The following TRIP12 variants were observed in gnomAD, a reference collection of about 807,000 sequenced individuals.
The protein encoded by TRIP12 is thyroid hormone receptor interactor 12, also known as E3 ubiquitin-protein ligase TRIP12.
TRIP12 carries 25 observed loss-of-function variants against 244.2 expected under a neutral mutation model. The ratio of observed to expected loss-of-function variants is 0.10; its 90% CI spans 0.07 to 0.14. The LOEUF (loss-of-function observed/expected upper bound fraction) is 0.14, where lower values mean the gene tolerates loss of function less well. Ranked by LOEUF, TRIP12 falls within the 10% of genes least tolerant of loss-of-function variation. The probability of loss-of-function intolerance (pLI) is 1.00; values close to 1 mark genes in which losing one functional copy is unlikely to be tolerated. For missense variants in TRIP12, 1,677 were observed against 2,486.4 expected, an observed-to-expected ratio of 0.67 and a Z score of 6.92; for synonymous variants, 905 against 873.1, an observed-to-expected ratio of 1.04 and a Z score of -0.64.
At chr2:229,879,581 C>T (rs1357063240) in intron 2 of TRIP12, among the ~76,000 whole-genome samples, 3 of 152,202 alleles carry the variant, frequency 2.0e-5, no homozygotes, top group African/African-American at 7.2e-5. Flanking sequence ...AGCTCAAAAG[C>T]TGAGTATTAA....
chr2:229,806,141 T>G, intron 17 of TRIP12: 1 of 302,788 alleles, frequency 3.3e-6, no homozygotes, highest in Non-Finnish European at 6.1e-6. Flanking sequence ...AAAATCTTGA[T>G]GAAAGATCCA....
At chr2:229,830,663 C>A in intron 7 of TRIP12, 93 bp downstream of exon 7, 1 of 1,316,170 alleles carries the variant, frequency 7.6e-7, no homozygotes, top group South Asian at 1.4e-5. Context: ...AGATTATGGT[C>A]AAATGAATTT....
chr2:229,796,485 T>A (rs2042850272), intron 25 of TRIP12, 106 bp downstream of exon 25: 1 of 1,006,654 alleles, frequency 9.9e-7, no homozygotes, highest in Non-Finnish European at 1.4e-6. Flanking sequence ...AAGTTTTCCC[T>A]CAATGTCTTG....
intron 2 of TRIP12, among the ~76,000 whole-genome samples, chr2:229,861,605 A>G (rs1291288983): frequency 6.6e-6 from 1 of 152,216 alleles, no homozygotes; most frequent in East Asian, 1.9e-4. Flanking sequence ...ATCTCACAAA[A>G]TAATTCTAAC....
chr2:229,874,747 A>G (rs1271164447), intron 2 of TRIP12, among the ~76,000 whole-genome samples: 3 of 152,220 alleles, frequency 2.0e-5, no homozygotes, highest in Admixed American at 6.5e-5. Context: ...AACCATGGTT[A>G]TCTCTGAGTG....
intron 1 of TRIP12, among the ~76,000 whole-genome samples, chr2:229,910,867 C>G (rs1175990032): frequency 6.6e-6 from 1 of 152,150 alleles, no homozygotes; most frequent in East Asian, 1.9e-4. Context: ...TTACTAATGA[C>G]AGTTGAGAAA....
chr2:229,874,535 A>C (rs565277482), intron 2 of TRIP12, among the ~76,000 whole-genome samples: 5 of 152,326 alleles, frequency 3.3e-5, no homozygotes, highest in African/African-American at 7.2e-5. Context: ...ATGGGCTTTT[A>C]TATTAAAGAA....
intron 1 of TRIP12, among the ~76,000 whole-genome samples, chr2:229,881,144 C>G (rs7355661): frequency 0.017 from 2,537 of 152,290 alleles, 70 homozygotes; most frequent in African/African-American, 0.058. Flanking sequence ...TTACCTACCT[C>G]AACAGAGTTG....
At chr2:229,845,650 C>T (rs1049987146) in intron 4 of TRIP12, among the ~76,000 whole-genome samples, 1 of 152,052 alleles carries the variant, frequency 6.6e-6, no homozygotes, top group Admixed American at 6.6e-5. Flanking sequence ...AAATTAATAT[C>T]TTAAGGGTAG....
At chr2:229,773,307 C>G (rs2035118551) in intron 38 of TRIP12, among the ~76,000 whole-genome samples, 1 of 152,118 alleles carries the variant, frequency 6.6e-6, no homozygotes, top group Non-Finnish European at 1.5e-5. Context: ...AACTCCTGAT[C>G]TTGTGATCTG....
rs144894357 is a variant in TRIP12, at chr2:229,902,230, A to G, written c.-50+19650T>C. ...GAAACCCCGCCTCTGCTAAAAATACAAAAATTAGCTGGGCATAGTGGTCGT... is the reference window on the plus strand; with the variant it reads ...GAAACCCCGCCTCTGCTAAAAATACGAAAATTAGCTGGGCATAGTGGTCGT... On this transcript the variant is annotated intron_variant, in intron 1 of 41. Coordinates refer to ENST00000675903, the MANE Select transcript of TRIP12 (RefSeq NM_001348323.3). 4.3e-3 allele frequency among the ~76,000 whole-genome samples: 657 copies of G among 152,178 alleles called. 24 individuals carry two copies. In the East Asian group the frequency reaches 0.11, roughly 26 times the overall value.
intron 6 of TRIP12, among the ~76,000 whole-genome samples, chr2:229,834,013 A>C (rs2154301579): frequency 6.6e-6 from 1 of 152,316 alleles, no homozygotes; most frequent in East Asian, 1.9e-4. Flanking sequence ...AAGGCTTCAA[A>C]CCTCCTTAGG....
chr2:229,887,157 T>C (rs988841679), intron 1 of TRIP12, among the ~76,000 whole-genome samples: 1 of 152,258 alleles, frequency 6.6e-6, no homozygotes, highest in Admixed American at 6.5e-5. Flanking sequence ...AAGAAAATTC[T>C]GATCCTTTGC....
intron 1 of TRIP12, among the ~76,000 whole-genome samples, chr2:229,918,733 C>CT: frequency 6.6e-6 from 1 of 152,218 alleles, no homozygotes; most frequent in Non-Finnish European, 1.5e-5. Flanking sequence ...TTCTATAACT[C>CT]TGTACCTTCA....
At chr2:229,770,736 G>A (rs2033949380) in intron 39 of TRIP12, among the ~76,000 whole-genome samples, 1 of 152,132 alleles carries the variant, frequency 6.6e-6, no homozygotes, top group Non-Finnish European at 1.5e-5. Flanking sequence ...CTGGTGGGAG[G>A]TAACTGAATC....
At chr2:229,777,599 A>T (rs2036676473) in intron 36 of TRIP12, 120 bp from the exon 37 acceptor site, 1 of 998,626 alleles carries the variant, frequency 1.0e-6, no homozygotes. Flanking sequence ...CAAGAAAGAA[A>T]ATTCTGTAGT....
intron 31 of TRIP12, 43 bp downstream of exon 31, chr2:229,789,568 A>C: frequency 6.3e-7 from 1 of 1,592,824 alleles, no homozygotes; most frequent in Non-Finnish European, 8.6e-7. Context: ...AAATTTATCA[A>C]TCACAGACCA....
In TRIP12 at chr2:229,809,262, A is replaced by T. The variant is rs531532243; in HGVS notation, c.2222-893T>A. On this transcript the variant is annotated intron_variant, in intron 15 of 41. Transcript: ENST00000675903. ...TTTTTAATTACAGTTTTGCAACTTT[A>T]TAGAGAAGTTTGAATACATGGTATG... 5.3e-4 allele frequency among the ~76,000 whole-genome samples: 80 copies of T among 152,246 alleles called. 1 individual carries two copies. Among genetic ancestry groups the T allele is most frequent in the Non-Finnish European group, 9.9e-4 (67 of 68,018 alleles).
intron 8 of TRIP12, among the ~76,000 whole-genome samples, chr2:229,824,404 A>G (rs1321990954): frequency 7.2e-5 from 11 of 152,126 alleles, no homozygotes. Flanking sequence ...CTACAAAAAC[A>G]TCGTATGCAT....
Sources: gnomAD v4.1 joint callset for allele counts (sites outside exome capture counted in the v4.1 genomes callset) on GRCh38, gnomAD v4.1.1 for gene constraint, MANE v1.5 for transcripts, NCBI Gene and HGNC (gene_info 2026-07-23, HGNC 2026-07-21) for gene names.